Variants in LEMD3 observed in about 807,000 individuals in gnomAD.
The protein encoded by LEMD3 is inner nuclear membrane protein Man1.
LEMD3 carries 33 observed loss-of-function variants against 95.2 expected under a neutral mutation model. The observed-to-expected ratio is 0.35, with a 90% CI of 0.26 to 0.46. The LOEUF is 0.46. LEMD3 is among the 20% of genes least tolerant of loss of function. LEMD3 has a pLI of 1.00. For missense variants in LEMD3, 1,210 were observed against 1,192.8 expected (o/e 1.01, Z -0.21); for synonymous variants, 525 against 474.6 (o/e 1.11, Z -1.38).
intron 4 of LEMD3, among the ~76,000 whole-genome samples, chr12:65,235,722 G>C (rs1870753738): frequency 6.6e-6 from 1 of 152,016 alleles, no homozygotes; most frequent in South Asian, 2.1e-4. Flanking sequence ...GGGCATCCTG[G>C]AACCAATCCT....
At chr12:65,237,821 A>G (rs1870815313) in intron 4 of LEMD3, among the ~76,000 whole-genome samples, 1 of 152,188 alleles carries the variant, frequency 6.6e-6, no homozygotes, top group Admixed American at 6.5e-5. Context: ...TCTTTAGTTG[A>G]TAGGCTTACT....
chr12:65,169,962 CG>C lies in LEMD3; in HGVS notation c.371del (p.Gly124AlafsTer59), dbSNP rs1328136497. ...SGPESLLGGP[G>X]GASAAPAAGS... is the part of the protein sequence containing the mutation. ...GCCCAGAGAGCCTCCTGGGAGGGCC[CG>C]GGGGCGCCTCCGCCGCCCCCGCGGC... On this transcript the variant is annotated frameshift_variant, in exon 1 of 13. Coordinates refer to ENST00000308330, the MANE Select transcript of LEMD3 (RefSeq NM_014319.5). LOFTEE classifies it high-confidence loss of function. 2.7e-6 allele frequency: 4 copies of C among 1,461,572 alleles called. No homozygotes were observed. The highest frequency in any genetic ancestry group is 2.9e-5 in the Admixed American group (1 of 34,782). 90.5% of individuals were successfully genotyped at this position (1,461,572 alleles called of 1,614,324 possible).
chr12:65,188,588 T>G (rs1310313943), intron 1 of LEMD3, among the ~76,000 whole-genome samples: 3 of 152,130 alleles, frequency 2.0e-5, no homozygotes, highest in African/African-American at 7.2e-5. Flanking sequence ...TACAGAGGAG[T>G]TCTGTTCACA....
At chr12:65,202,357 T>C (rs1353511507) in intron 1 of LEMD3, among the ~76,000 whole-genome samples, 1 of 152,116 alleles carries the variant, frequency 6.6e-6, no homozygotes, top group African/African-American at 2.4e-5. Context: ...TCTGCATTTG[T>C]TGATAAGATC....
At position 65,170,705 on chromosome 12, in the gene LEMD3, C is replaced by G. The variant is rs201542546; in HGVS notation, c.1109C>G (p.Pro370Arg). The change falls in exon 1 of 13, where the codon CCG (proline) becomes CGG (arginine). Residue 370 changes from proline (P) to arginine (R), a missense_variant. Physicochemically the swap from Pro to Arg is moderately radical, Grantham distance 103. Around this residue, in one of 2 missense-constraint regions of LEMD3, gnomAD observed 749 missense variants for 622.9 expected, o/e 1.20. Coordinates refer to ENST00000308330, the MANE Select transcript of LEMD3 (RefSeq NM_014319.5). ...NAKKLTPLLPPPLTDMDSTLD... is the reference protein window; with the variant it reads ...NAKKLTPLLPRPLTDMDSTLD... ...AAGAAACTGACCCCTCTCCTGCCCCCGCCACTTACTGACATGGACTCAACC... is the reference window on the plus strand; with the variant it reads ...AAGAAACTGACCCCTCTCCTGCCCCGGCCACTTACTGACATGGACTCAACC... 6.2e-6 allele frequency: 10 copies of G among 1,614,094 alleles called. No individual in the cohort carries two copies. The African/African-American group carries it at 1.3e-4, about 22-fold the overall frequency.
In LEMD3 at chr12:65,200,334, C is replaced by G. The variant is rs543261004; in HGVS notation, c.1523-10592C>G. On this transcript the variant is annotated intron_variant, in intron 1 of 12. Coordinates refer to ENST00000308330, the MANE Select transcript of LEMD3 (RefSeq NM_014319.5). ...AACCAGTGCTCTTGAGCCACTTGCTCGAGCCTGCTCCCATTCTGTTGAGTG... is the reference window on the plus strand; with the variant it reads ...AACCAGTGCTCTTGAGCCACTTGCTGGAGCCTGCTCCCATTCTGTTGAGTG... 4.6e-5 allele frequency among the ~76,000 whole-genome samples: 7 copies of G among 151,976 alleles called. 1 individual carries two copies. Among genetic ancestry groups the G allele is most frequent in the South Asian group, 4.1e-4 (2 of 4,830 alleles).
intron 1 of LEMD3, among the ~76,000 whole-genome samples, chr12:65,199,370 T>A (rs931031825): frequency 1.3e-5 from 2 of 152,102 alleles, no homozygotes; most frequent in Non-Finnish European, 2.9e-5. Flanking sequence ...AATGAAACCA[T>A]GCTTATGAAA....
At chr12:65,186,599 A>C (rs2136322063) in intron 1 of LEMD3, among the ~76,000 whole-genome samples, 1 of 146,500 alleles carries the variant, frequency 6.8e-6, no homozygotes, top group Middle Eastern at 3.6e-3. Flanking sequence ...AAAAAATAGG[A>C]GTATACTATG....
At chr12:65,240,554 TACTA>T (rs1435506492) in intron 8 of LEMD3, 1 of 414,756 alleles carries the variant, frequency 2.4e-6, no homozygotes, top group Non-Finnish European at 4.3e-6. Flanking sequence ...GCTGGTGTTT[TACTA>T]ATGTTTTTTA....
At chr12:65,192,674 T>G (rs1338054565) in intron 1 of LEMD3, among the ~76,000 whole-genome samples, 1 of 152,164 alleles carries the variant, frequency 6.6e-6, no homozygotes, top group Non-Finnish European at 1.5e-5. Flanking sequence ...CATGGTACAG[T>G]TTTTCAGTGG....
chr12:65,233,249 A>C (rs1482991973), intron 4 of LEMD3, among the ~76,000 whole-genome samples: 1 of 152,130 alleles, frequency 6.6e-6, no homozygotes, highest in Non-Finnish European at 1.5e-5. Flanking sequence ...TCTTAAGTGG[A>C]TGGAGTGGAT....
At chr12:65,173,894 G>T (rs1868631628) in intron 1 of LEMD3, among the ~76,000 whole-genome samples, 1 of 152,118 alleles carries the variant, frequency 6.6e-6, no homozygotes, top group African/African-American at 2.4e-5. Context: ...CAGTTAGTCT[G>T]CACACCTAAC....
intron 1 of LEMD3, among the ~76,000 whole-genome samples, chr12:65,181,430 C>T (rs561821440): frequency 1.2e-4 from 18 of 152,302 alleles, no homozygotes; most frequent in African/African-American, 3.1e-4. Context: ...ACTCTCCCCA[C>T]GCTTTGGCTG....
In LEMD3 at chr12:65,170,140, G is replaced by T. The variant is rs757121957; in HGVS notation, c.544G>T (p.Val182Leu). The T allele has an allele frequency of 1.4e-5, 21 of 1,471,018 alleles. No individual in the cohort carries two copies. The highest frequency in any genetic ancestry group is 2.8e-5 in the Admixed American group (1 of 35,950). 91.1% of individuals were successfully genotyped at this position (1,471,018 alleles called of 1,614,324 possible). A position where few individuals can be genotyped will look rare whatever the true frequency, so the allele number is the denominator to read the frequency against. ...GCCGGCGCCCCTGGCCGCCAGCGAGGTGACTAACAGCAACTCTGCAGAGCG... is the reference window on the plus strand; with the variant it reads ...GCCGGCGCCCCTGGCCGCCAGCGAGTTGACTAACAGCAACTCTGCAGAGCG... ...APPAPLAASEVTNSNSAERRK... is the reference protein window; with the variant it reads ...APPAPLAASELTNSNSAERRK... The change falls in exon 1 of 13, where the codon GTG (valine) becomes TTG (leucine). Residue 182 changes from valine to leucine, a missense_variant. By Grantham distance (32) the Val-to-Leu change is conservative. Around this residue, in one of 2 missense-constraint regions of LEMD3, gnomAD observed 749 missense variants for 622.9 expected, o/e 1.20. Coordinates refer to ENST00000308330, the MANE Select transcript of LEMD3 (RefSeq NM_014319.5).
intron 4 of LEMD3, among the ~76,000 whole-genome samples, chr12:65,220,625 G>A (rs1870255289): frequency 6.6e-6 from 1 of 152,206 alleles, no homozygotes; most frequent in Non-Finnish European, 1.5e-5. Context: ...TTGGTGTCAT[G>A]TCCAAGAAAT....
chr12:65,187,665 A>G (rs899357059), intron 1 of LEMD3, among the ~76,000 whole-genome samples: 4 of 152,094 alleles, frequency 2.6e-5, no homozygotes, highest in African/African-American at 9.7e-5. Context: ...ATCAATCTTA[A>G]GGAAGAGATA....
At chr12:65,218,185 T>C (rs1870167231) in intron 3 of LEMD3, among the ~76,000 whole-genome samples, 2 of 152,324 alleles carry the variant, frequency 1.3e-5, no homozygotes, top group Admixed American at 1.3e-4. Flanking sequence ...TACATATTTC[T>C]GGAGGGCGTC....
intron 2 of LEMD3, among the ~76,000 whole-genome samples, chr12:65,214,983 A>G (rs1316462838): frequency 6.6e-6 from 1 of 152,164 alleles, no homozygotes; most frequent in African/African-American, 2.4e-5. Flanking sequence ...CTTCCGAGCC[A>G]GCCTATACAT....
intron 10 of LEMD3, among the ~76,000 whole-genome samples, chr12:65,244,284 C>G (rs1565801449): frequency 8.9e-6 from 1 of 111,766 alleles, no homozygotes; most frequent in Non-Finnish European, 1.8e-5. Flanking sequence ...CACACACACA[C>G]ACCCCCCCCA....
Sources: allele counts gnomAD v4.1 joint callset (sites outside exome capture counted in the v4.1 genomes callset), GRCh38; gene constraint gnomAD v4.1.1; regional missense constraint gnomAD v4.1.1; transcripts MANE v1.5; gene names NCBI Gene and HGNC (gene_info 2026-07-23, HGNC 2026-07-21).